Variants in MCTP1 observed in about 807,000 individuals in gnomAD.
MCTP1 encodes the protein multiple C2 and transmembrane domain-containing protein 1.
In MCTP1, 69 loss-of-function variants were observed where a neutral mutation model predicts 120.6. That is an observed-to-expected ratio of 0.57 (90% confidence interval 0.47 to 0.70). The LOEUF (loss-of-function observed/expected upper bound fraction) is 0.70. MCTP1 is among the 30% of genes least tolerant of loss of function. The probability of loss-of-function intolerance (pLI) is 0.00; values close to 1 mark genes in which losing one functional copy is unlikely to be tolerated. For synonymous variants in MCTP1, 529 were observed against 493.1 expected (o/e 1.07, Z -0.96); for missense variants, 1,203 against 1,248.8 (o/e 0.96, Z 0.55).
At chr5:95,064,401 G>C (rs938125134) in intron 1 of MCTP1, among the ~76,000 whole-genome samples, 1 of 152,132 alleles carries the variant, frequency 6.6e-6, no homozygotes, top group African/African-American at 2.4e-5. Context: ...CTTCTTGGGA[G>C]TCTACTAATT....
chr5:95,068,544 T>C (rs1327455980), intron 1 of MCTP1, among the ~76,000 whole-genome samples: 1 of 152,228 alleles, frequency 6.6e-6, no homozygotes, highest in Non-Finnish European at 1.5e-5. Context: ...TAATTTTCTA[T>C]AGTGTCTAAC....
At chr5:94,712,002 C>T (rs1039958264) in intron 20 of MCTP1, among the ~76,000 whole-genome samples, 2 of 152,010 alleles carry the variant, frequency 1.3e-5, no homozygotes, top group African/African-American at 4.8e-5. Flanking sequence ...TACAGGCATA[C>T]CATTGCATTC....
chr5:95,017,271 A>T, intron 2 of MCTP1, 96 bp downstream of exon 2: 1 of 618,820 alleles, frequency 1.6e-6, no homozygotes, highest in Non-Finnish European at 2.7e-6. Flanking sequence ...ATTATATTCT[A>T]GTTAATTTTT....
Position 94,835,931 on chromosome 5 carries a change from G to A in MCTP1, c.2436+32402C>T, listed in dbSNP as rs189464300. 2.0e-3 allele frequency among the ~76,000 whole-genome samples: 306 copies of A among 152,272 alleles called. 2 individuals carry two copies. Among genetic ancestry groups the A allele is most frequent in the African/African-American group, 6.8e-3 (282 of 41,550 alleles). The stretch of plus-strand genomic sequence containing the variant: ...AGGCAGGAGAATGGTGTGAACCCGG[G>A]AGGCAGAGATTGCAGTGAGCTGAGA... On this transcript the variant is annotated intron_variant, in intron 17 of 22. Transcript: ENST00000515393.
chr5:94,728,013 T>G (rs1762449610), intron 19 of MCTP1, among the ~76,000 whole-genome samples: 1 of 152,168 alleles, frequency 6.6e-6, no homozygotes, highest in Non-Finnish European at 1.5e-5. Flanking sequence ...AATAACAACT[T>G]AGTGTTCTAT....
At chr5:95,279,600 T>G (rs113978996) in intron 1 of MCTP1, among the ~76,000 whole-genome samples, 1 of 152,250 alleles carries the variant, frequency 6.6e-6, no homozygotes, top group Non-Finnish European at 1.5e-5. Context: ...CAGCAGCAAT[T>G]GCTAATGTTT....
At chr5:94,781,963 C>G (rs964539745) in intron 18 of MCTP1, among the ~76,000 whole-genome samples, 1 of 152,140 alleles carries the variant, frequency 6.6e-6, no homozygotes, top group Non-Finnish European at 1.5e-5. Context: ...ACATCATAAA[C>G]ATCTACAAGT....
intron 1 of MCTP1, among the ~76,000 whole-genome samples, chr5:95,102,365 A>G (rs56284969): frequency 0.054 from 8,207 of 152,258 alleles, 236 homozygotes; most frequent in Middle Eastern, 0.078. Flanking sequence ...AGCAGAAGAA[A>G]AACCCAGCTC....
At chr5:95,054,536 G>A (rs1467685964) in intron 1 of MCTP1, among the ~76,000 whole-genome samples, 1 of 152,162 alleles carries the variant, frequency 6.6e-6, no homozygotes, top group Admixed American at 6.6e-5. Context: ...AGAACCCACA[G>A]TGGTTCCCCT....
At chr5:95,233,947 C>T (rs746406510) in intron 1 of MCTP1, among the ~76,000 whole-genome samples, 17 of 151,074 alleles carry the variant, frequency 1.1e-4, no homozygotes, top group Non-Finnish European at 1.5e-4. Context: ...GTCAATGAAA[C>T]CAAAAGCTAG....
chr5:95,052,181 AATAGG>A (rs1746129376), intron 1 of MCTP1, among the ~76,000 whole-genome samples: 1 of 152,202 alleles, frequency 6.6e-6, no homozygotes, highest in Non-Finnish European at 1.5e-5. Context: ...GAAGTTTTGA[AATAGG>A]ATTCACCGCT....
At chr5:94,889,115 T>A in intron 11 of MCTP1, 143 bp from the exon 12 acceptor site, 1 of 552,050 alleles carries the variant, frequency 1.8e-6, no homozygotes, top group Non-Finnish European at 3.2e-6. Flanking sequence ...TTTTTTTTTT[T>A]ACTGTTTTCC....
chr5:94,737,959 G>T (rs778499242), intron 19 of MCTP1, among the ~76,000 whole-genome samples: 3 of 152,194 alleles, frequency 2.0e-5, no homozygotes, highest in African/African-American at 7.2e-5. Context: ...GATTGCAGGC[G>T]TGAGCCACCG....
intron 1 of MCTP1, among the ~76,000 whole-genome samples, chr5:95,081,006 A>T (rs1754795795): frequency 6.6e-6 from 1 of 152,172 alleles, no homozygotes; most frequent in South Asian, 2.1e-4. Context: ...TGAAAAATAT[A>T]ATGATTGAGC....
At chr5:94,809,248 T>A (rs1279544152) in intron 17 of MCTP1, among the ~76,000 whole-genome samples, 2 of 151,814 alleles carry the variant, frequency 1.3e-5, no homozygotes, top group Non-Finnish European at 2.9e-5. Context: ...TTTATTTAAA[T>A]GTTTTTTTTT....
intron 2 of MCTP1, among the ~76,000 whole-genome samples, chr5:95,011,006 T>C (rs573824559): frequency 6.6e-6 from 1 of 152,272 alleles, no homozygotes; most frequent in African/African-American, 2.4e-5. Flanking sequence ...GCCACAGAAA[T>C]GACGTGCTGT....
intron 2 of MCTP1, among the ~76,000 whole-genome samples, chr5:94,994,462 T>A (rs1832219586): frequency 6.6e-6 from 1 of 152,194 alleles, no homozygotes. Flanking sequence ...TGGCTACATT[T>A]GTAGTTTGTC....
At chr5:94,942,176 A>T (rs917348966) in intron 4 of MCTP1, among the ~76,000 whole-genome samples, 172 bp downstream of exon 4, 7 of 152,034 alleles carry the variant, frequency 4.6e-5, no homozygotes, top group African/African-American at 1.7e-4. Context: ...GTCAGGGAAG[A>T]TGCTATTATT....
At chr5:94,836,894 T>C (rs1580952814) in intron 17 of MCTP1, among the ~76,000 whole-genome samples, 1 of 152,214 alleles carries the variant, frequency 6.6e-6, no homozygotes, top group African/African-American at 2.4e-5. Context: ...GGGAATATGT[T>C]CTGTTATATA....
Sources: allele counts gnomAD v4.1 joint callset (sites outside exome capture counted in the v4.1 genomes callset), GRCh38; gene constraint gnomAD v4.1.1; transcripts MANE v1.5; gene names NCBI Gene and HGNC (gene_info 2026-07-23, HGNC 2026-07-21).